Variants in SPACA7 observed in about 807,000 individuals in gnomAD.
The protein encoded by SPACA7 is sperm acrosome-associated protein 7.
In SPACA7, 19 loss-of-function variants were observed where a neutral mutation model predicts 26.3. That is an observed-to-expected ratio of 0.72 (90% CI 0.50 to 1.06). The LOEUF (loss-of-function observed/expected upper bound fraction) is 1.06. Among genes scored for constraint, SPACA7 ranks in the 50% least tolerant of loss-of-function variants. The pLI is 0.00. For synonymous variants in SPACA7, 84 were observed against 84.5 expected, an observed-to-expected ratio of 0.99 and a Z score of 0.04; for missense variants, 211 against 229.9, an observed-to-expected ratio of 0.92 and a Z score of 0.53.
chr13:112,409,649 A>G (rs1348439787), intron 5 of SPACA7, among the ~76,000 whole-genome samples: 2 of 152,248 alleles, frequency 1.3e-5, no homozygotes, highest in Non-Finnish European at 2.9e-5. Context: ...AGAAATGCAA[A>G]TCAAAACCAC....
intron 1 of SPACA7, among the ~76,000 whole-genome samples, chr13:112,392,454 G>T (rs774368074): frequency 2.6e-5 from 4 of 152,204 alleles, no homozygotes; most frequent in Non-Finnish European, 5.9e-5. Flanking sequence ...GAGGAGAAAG[G>T]GGGGTGGCCC....
intron 5 of SPACA7, among the ~76,000 whole-genome samples, chr13:112,410,678 T>C (rs572895911): frequency 1.3e-5 from 2 of 152,082 alleles, no homozygotes; most frequent in South Asian, 4.2e-4. Flanking sequence ...GTAGAGAAAT[T>C]GGAATTCTTG....
chr13:112,429,375 CAA>C (rs78540007), intron 5 of SPACA7, among the ~76,000 whole-genome samples: 17 of 116,348 alleles, frequency 1.5e-4, no homozygotes, highest in Admixed American at 1.7e-4. Context: ...GACCCCATCT[CAA>C]AAAAAAAAAA....
intron 2 of SPACA7, among the ~76,000 whole-genome samples, chr13:112,397,437 T>A (rs1416345642): frequency 6.6e-6 from 1 of 152,170 alleles, no homozygotes; most frequent in South Asian, 2.1e-4. Context: ...CACTGCTTTA[T>A]TGGACCCTCA....
chr13:112,404,311 G>A (rs1271442908), intron 5 of SPACA7, among the ~76,000 whole-genome samples: 1 of 152,098 alleles, frequency 6.6e-6, no homozygotes, highest in Non-Finnish European at 1.5e-5. Flanking sequence ...GTAGATTCTG[G>A]ATATTAGTCC....
intron 2 of SPACA7, among the ~76,000 whole-genome samples, chr13:112,393,395 G>A (rs1214543365): frequency 1.3e-5 from 2 of 150,978 alleles, no homozygotes; most frequent in African/African-American, 2.4e-5. Flanking sequence ...AACGCCCAGC[G>A]GCAAGCCGGG....
intron 5 of SPACA7, among the ~76,000 whole-genome samples, chr13:112,421,479 A>C (rs1434138336): frequency 6.6e-6 from 1 of 152,236 alleles, no homozygotes; most frequent in Non-Finnish European, 1.5e-5. Flanking sequence ...AAGGGGAAAA[A>C]GAAATAAAGA....
intron 5 of SPACA7, among the ~76,000 whole-genome samples, chr13:112,425,506 G>C (rs1876452379): frequency 6.6e-6 from 1 of 152,178 alleles, no homozygotes; most frequent in Non-Finnish European, 1.5e-5. Flanking sequence ...AGGCCACCCA[G>C]GATGGGCCAT....
intron 5 of SPACA7, among the ~76,000 whole-genome samples, chr13:112,428,201 A>G (rs11620578): frequency 0.29 from 44,490 of 152,122 alleles, 6,950 homozygotes; most frequent in Non-Finnish European, 0.36. Flanking sequence ...AAATTCCAAT[A>G]TGTTGTGTTT....
At chr13:112,377,579 T>A (rs1199282741) in intron 1 of SPACA7, among the ~76,000 whole-genome samples, 1 of 152,106 alleles carries the variant, frequency 6.6e-6, no homozygotes. Context: ...ATATCAAGGG[T>A]GACCAGGCCA....
At chr13:112,410,124 C>A (rs1229194410) in intron 5 of SPACA7, among the ~76,000 whole-genome samples, 1 of 152,054 alleles carries the variant, frequency 6.6e-6, no homozygotes. Flanking sequence ...GGACAAAAAA[C>A]CAAACACCAC....
intron 5 of SPACA7, among the ~76,000 whole-genome samples, chr13:112,408,768 T>C (rs1366791359): frequency 6.6e-6 from 1 of 152,008 alleles, no homozygotes; most frequent in Non-Finnish European, 1.5e-5. Context: ...AGAATAGATA[T>C]CATGAAAATG....
rs201864431 is a variant in SPACA7 at position 112,378,736 on chromosome 13, G to A, written c.94+2257G>A. On this transcript the variant is annotated intron_variant, in intron 1 of 6. Coordinates refer to ENST00000283550, the MANE Select transcript of SPACA7 (RefSeq NM_145248.5). ...ACCCGGTGAGCCAGGTAGCAGGTCA[G>A]TTTCTCCAGCTCCATCAAATCAACC... is the stretch of plus-strand genomic sequence containing the variant. The A allele has an allele frequency of 2.4e-3, 1,119 of 471,126 alleles. 17 individuals are homozygous for A. Among genetic ancestry groups the A allele is most frequent in the Middle Eastern group, 0.018 (56 of 3,080 alleles). The allele number at this position is 471,126 out of a possible 1,614,324, so 29.2% of individuals were successfully genotyped here.
intron 5 of SPACA7, among the ~76,000 whole-genome samples, chr13:112,424,006 G>A (rs925211879): frequency 3.3e-5 from 5 of 152,194 alleles, no homozygotes; most frequent in Non-Finnish European, 5.9e-5. Flanking sequence ...AAGGCCAAGC[G>A]TTTCACATTG....
intron 6 of SPACA7, among the ~76,000 whole-genome samples, 183 bp downstream of exon 6, chr13:112,432,704 C>T (rs1209933344): frequency 6.6e-6 from 1 of 152,160 alleles, no homozygotes; most frequent in African/African-American, 2.4e-5. Context: ...CAGACAAGTC[C>T]AATTCAAGGA....
At chr13:112,411,701 C>G (rs1434829749) in intron 5 of SPACA7, among the ~76,000 whole-genome samples, 1 of 152,126 alleles carries the variant, frequency 6.6e-6, no homozygotes, top group African/African-American at 2.4e-5. Flanking sequence ...ATATTAGGCT[C>G]TCTGTGCCTT....
chr13:112,428,135 T>C (rs1332678074), intron 5 of SPACA7, among the ~76,000 whole-genome samples: 2 of 152,248 alleles, frequency 1.3e-5, no homozygotes, highest in African/African-American at 4.8e-5. Flanking sequence ...CTTCTCATGT[T>C]TTCTAATAGA....
At chr13:112,378,371 AC>A (rs1386564008) in intron 1 of SPACA7, among the ~76,000 whole-genome samples, 1 of 152,154 alleles carries the variant, frequency 6.6e-6, no homozygotes, top group African/African-American at 2.4e-5. Context: ...CTCTATGGTC[AC>A]CCTCTTTTTT....
intron 5 of SPACA7, among the ~76,000 whole-genome samples, chr13:112,428,743 A>G (rs1475323685): frequency 6.6e-6 from 1 of 152,214 alleles, no homozygotes; most frequent in Admixed American, 6.5e-5. Context: ...ATGAATTTTA[A>G]AACTTTAAAT....
Sources: gnomAD v4.1 joint callset for allele counts (sites outside exome capture counted in the v4.1 genomes callset) on GRCh38, gnomAD v4.1.1 for gene constraint, MANE v1.5 for transcripts, NCBI Gene and HGNC (gene_info 2026-07-23, HGNC 2026-07-21) for gene names.